The following P2RX5 variants were observed in gnomAD, a reference collection of about 807,000 sequenced individuals.
P2RX5 encodes the protein P2X purinoceptor 5.
A neutral mutation model predicts 54.1 loss-of-function variants in P2RX5; 46 were observed. That is an observed-to-expected ratio of 0.85 (90% confidence interval 0.67 to 1.09). The LOEUF is 1.09. Among genes scored for constraint, P2RX5 ranks in the 50% least tolerant of loss-of-function variants. The probability of loss-of-function intolerance (pLI) is 0.00; values close to 1 mark genes in which losing one functional copy is unlikely to be tolerated. For missense variants in P2RX5, 566 were observed against 549.8 expected (o/e 1.03, Z -0.29); for synonymous variants, 226 against 226.4 (o/e 1.00, Z 0.02).
At chr17:3,708,831 C>T in the P2RX5 span, among the ~76,000 whole-genome samples, 8 of 151,656 alleles carry the variant, frequency 5.3e-5, no homozygotes, top group Admixed American at 2.6e-4. Context: ...TCCTTGAAAA[C>T]GGTCACAAAT....
rs1239997829 is a variant in P2RX5, at chr17:3,693,842, T to TG, written c.137+2026_137+2027insC. ...AAGCATTCTTCTTCTTTTTTTTTTT[T>TG]TGAGACAGTCTTGCTCTGCTGCCCA... is the stretch of plus-strand genomic sequence containing the variant. On this transcript the variant is annotated intron_variant, in intron 1 of 11. Transcript: ENST00000225328. Among the ~76,000 whole-genome samples the TG allele has an allele frequency of 7.2e-4, 109 of 151,328 alleles. 1 individual carries two copies. Among genetic ancestry groups the TG allele is most frequent in the East Asian group, 2.1e-3 (11 of 5,174 alleles).
the P2RX5 span, among the ~76,000 whole-genome samples, chr17:3,720,018 C>T: frequency 5.3e-5 from 8 of 152,196 alleles, no homozygotes; most frequent in South Asian, 1.0e-3. Context: ...GAGCCACCTG[C>T]GCCCAGCTGC....
At position 3,695,893 on chromosome 17, in the gene P2RX5, G is replaced by A. The variant is rs1368084446; in HGVS notation, c.113C>T (p.Ala38Val). The change falls in exon 1 of 12, where the codon GCC (alanine) becomes GTC (valine). Residue 38 changes from alanine to valine, a missense_variant. Physicochemically the swap from Ala to Val is moderately conservative, Grantham distance 64. Transcript: ENST00000225328. The stretch of plus-strand genomic sequence containing the variant: ...CACGACCAGGTACGCCAGGATGGAG[G>A]CCTGCAGCAGCCGGTACAGCAGGCC... ...KVGLLYRLLQASILAYLVVWV... is the reference protein window; with the variant it reads ...KVGLLYRLLQVSILAYLVVWV... 1 of 1,614,054 alleles carries A rather than the reference G, an allele frequency of 6.2e-7. No individual in the cohort carries two copies. Among genetic ancestry groups the A allele is most frequent in the Non-Finnish European group, 8.5e-7 (1 of 1,180,004 alleles).
At chr17:3,691,828 C>T in intron 1 of P2RX5, 34 bp from the exon 2 acceptor site, 2 of 1,613,544 alleles carry the variant, frequency 1.2e-6, no homozygotes, top group Non-Finnish European at 1.7e-6. Context: ...GGGCATCAGC[C>T]ACTCTGCTGG....
rs559389963 is a variant in P2RX5, at chr17:3,691,881, C to T, written c.138-87G>A. 98 of 1,380,484 alleles carry T rather than the reference C, an allele frequency of 7.1e-5. 1 individual carries two copies. Among genetic ancestry groups the T allele is most frequent in the Admixed American group, 4.7e-4 (28 of 59,602 alleles). The allele number at this position is 1,380,484 out of a possible 1,614,324, so 85.5% of individuals were successfully genotyped here. A position where few individuals can be genotyped will look rare whatever the true frequency, so the allele number is the denominator to read the frequency against. On this transcript the variant is annotated intron_variant, in intron 1 of 11. Coordinates refer to ENST00000225328, the MANE Select transcript of P2RX5 (RefSeq NM_002561.4). ...AGGCCTTGGGGTGGGGTAGCAGTCACAGCAACTCCTAGTTGAGGTGGAGCA... is the reference window on the plus strand; with the variant it reads ...AGGCCTTGGGGTGGGGTAGCAGTCATAGCAACTCCTAGTTGAGGTGGAGCA...
At chr17:3,722,965 T>G in the P2RX5 span, among the ~76,000 whole-genome samples, 2 of 152,214 alleles carry the variant, frequency 1.3e-5, no homozygotes, top group Non-Finnish European at 2.9e-5. Context: ...TAGCTTGAAT[T>G]ACAACGGCAG....
At position 3,689,556 on chromosome 17, in the gene P2RX5, G is replaced by A. The variant is rs1410535071; in HGVS notation, c.689C>T (p.Pro230Leu). Residue 230 changes from proline to leucine, a missense_variant, in exon 7 of 12, where the codon CCC becomes CTC. Pro to Leu is a moderately conservative substitution (Grantham distance 98). Transcript: ENST00000225328. ...GATCACGGAGCCCAGTCGGAAGATG[G>A]GGCAGTAGTGGTTCTTGGGGCCAAA... The part of the protein sequence containing the change: ...CHFGPKNHYC[P>L]IFRLGSVIRW... The A allele has an allele frequency of 6.2e-7, 1 of 1,614,220 alleles. No homozygotes were observed. The highest frequency in any genetic ancestry group is 8.5e-7 in the Non-Finnish European group (1 of 1,180,028).
At chr17:3,689,467 G>A (rs1319005447) in intron 7 of P2RX5, 25 bp downstream of exon 7, 1 of 1,613,174 alleles carries the variant, frequency 6.2e-7, no homozygotes, top group Admixed American at 1.7e-5. Flanking sequence ...CCTCAGGGAG[G>A]GCTCCCTGCG....
chr17:3,682,661 C>G (rs1466670374), intron 9 of P2RX5: 2 of 160,962 alleles, frequency 1.2e-5, no homozygotes, highest in African/African-American at 4.8e-5. Flanking sequence ...TAGAAAGATC[C>G]CTGTGGTAGT....
chr17:3,721,998 G>A, the P2RX5 span, among the ~76,000 whole-genome samples: 3 of 152,068 alleles, frequency 2.0e-5, no homozygotes, highest in Non-Finnish European at 2.9e-5. Flanking sequence ...TCACCAACAT[G>A]GAGAAACCCC....
chr17:3,712,861 G>T, the P2RX5 span, among the ~76,000 whole-genome samples: 59,931 of 151,876 alleles, frequency 0.39, 13,703 homozygotes, highest in South Asian at 0.59. Flanking sequence ...GAGAATTGCT[G>T]GAACCCGGGA....
chr17:3,707,669 C>T, the P2RX5 span, among the ~76,000 whole-genome samples: 1 of 152,048 alleles, frequency 6.6e-6, no homozygotes, highest in Non-Finnish European at 1.5e-5. Flanking sequence ...CGGCCCTGGA[C>T]AGAAGATGAG....
chr17:3,695,618 G>A (rs887724361), intron 1 of P2RX5, among the ~76,000 whole-genome samples: 1 of 152,128 alleles, frequency 6.6e-6, no homozygotes, highest in African/African-American at 2.4e-5. Flanking sequence ...ATAAATCGAG[G>A]AAACCAGAAG....
upstream of P2RX5, among the ~76,000 whole-genome samples, chr17:3,699,879 AAGGAAGGAAGG>A (rs2050804493): frequency 1.1e-4 from 3 of 26,600 alleles, no homozygotes; most frequent in African/African-American, 2.5e-4. Flanking sequence ...GAAAGAAAGG[AAGGAAGGAAGG>A]AAGGAAGGAA....
the P2RX5 span, chr17:3,718,399 G>A: frequency 6.6e-6 from 1 of 152,232 alleles, no homozygotes; most frequent in Non-Finnish European, 1.5e-5. Context: ...ACTTTGTGCT[G>A]GCCATGAAGG....
chr17:3,674,237 G>A (rs959713321), intron 11 of P2RX5, among the ~76,000 whole-genome samples: 1 of 152,160 alleles, frequency 6.6e-6, no homozygotes, highest in African/African-American at 2.4e-5. Context: ...CGTGAACCCG[G>A]GAGGCGGAGC....
chr17:3,699,910 G>A (rs55720470), upstream of P2RX5, among the ~76,000 whole-genome samples: 39 of 40,648 alleles, frequency 9.6e-4, no homozygotes, highest in African/African-American at 2.0e-3. Context: ...AGGAAGGAAG[G>A]AAGGAAGGAA....
the P2RX5 span, among the ~76,000 whole-genome samples, chr17:3,715,776 C>A: frequency 1.3e-5 from 2 of 152,012 alleles, no homozygotes; most frequent in Non-Finnish European, 1.5e-5. Context: ...ATGGGAGGAT[C>A]ACCTGAGCCT....
intron 10 of P2RX5, among the ~76,000 whole-genome samples, chr17:3,681,087 T>G (rs1409599006): frequency 6.6e-6 from 1 of 151,640 alleles, no homozygotes; most frequent in African/African-American, 2.4e-5. Flanking sequence ...TCCACCCGGC[T>G]TCCTCTACCC....
Sources: allele counts gnomAD v4.1 joint callset (sites outside exome capture counted in the v4.1 genomes callset), GRCh38; gene constraint gnomAD v4.1.1; transcripts MANE v1.5; gene names NCBI Gene and HGNC (gene_info 2026-07-23, HGNC 2026-07-21).